The following ZDHHC4 variants were observed in gnomAD, a reference collection of about 807,000 sequenced individuals.
The protein encoded by ZDHHC4 is palmitoyltransferase ZDHHC4.
A neutral mutation model predicts 36.7 loss-of-function variants in ZDHHC4; 42 were observed. That is an observed-to-expected ratio of 1.14 (90% CI 0.89 to 1.48). The LOEUF (loss-of-function observed/expected upper bound fraction) is 1.48, where lower values mean the gene tolerates loss of function less well. Among genes scored for constraint, ZDHHC4 ranks in the 40% most tolerant of loss-of-function variants. The pLI, the probability that ZDHHC4 is intolerant of heterozygous loss-of-function variation, is 0.00. For missense variants in ZDHHC4, 457 were observed against 421.5 expected, an observed-to-expected ratio of 1.08 and a Z score of -0.74; for synonymous variants, 189 against 166.6, an observed-to-expected ratio of 1.13 and a Z score of -1.03.
intron 7 of ZDHHC4, among the ~76,000 whole-genome samples, chr7:6,587,227 G>A (rs1034222345): frequency 1.3e-5 from 2 of 151,800 alleles, no homozygotes; most frequent in African/African-American, 4.8e-5. Flanking sequence ...TTTGATTTGA[G>A]GTCTTTATAT....
At chr7:6,581,500 A>G (rs543844498) in intron 3 of ZDHHC4, 107 bp from the exon 4 acceptor site, 2 of 827,662 alleles carry the variant, frequency 2.4e-6, no homozygotes, top group South Asian at 2.9e-5. Context: ...TAGGGAAACA[A>G]AACTTACTAT....
intron 6 of ZDHHC4, 44 bp downstream of exon 6, chr7:6,583,475 A>G (rs1475851916): frequency 5.7e-6 from 9 of 1,577,172 alleles, no homozygotes; most frequent in South Asian, 1.2e-5. Flanking sequence ...CCAACAGCAC[A>G]TGTGTGGGCT....
Position 6,588,690 on chromosome 7 carries a change from G to T in ZDHHC4, c.815G>T (p.Gly272Val), listed in dbSNP as rs753847644. The T allele has an allele frequency of 4.3e-6, 7 of 1,614,084 alleles. No individual in the cohort carries two copies. Among genetic ancestry groups the T allele is most frequent in the South Asian group, 1.1e-5 (1 of 91,094 alleles). The change falls in exon 8 of 8, where the codon GGC (glycine) becomes GTC (valine). Residue 272 changes from glycine (G) to valine (V), a missense_variant. By Grantham distance (109) the Gly-to-Val change is moderately radical. Coordinates refer to ENST00000335965, the MANE Select transcript of ZDHHC4 (RefSeq NM_001134389.2). ...GTGGTTCTGAGCTTCCTCCTGGGTG[G>T]CTACCTGTTGTTTGTCCTGTATCTG... Reference protein sequence around the residue: ...FVVVLSFLLGGYLLFVLYLAA... With the variant: ...FVVVLSFLLGVYLLFVLYLAA...
chr7:6,579,724 A>G (rs1780705566), intron 2 of ZDHHC4, among the ~76,000 whole-genome samples: 1 of 152,202 alleles, frequency 6.6e-6, no homozygotes, highest in African/African-American at 2.4e-5. Flanking sequence ...AGGAAGTAAA[A>G]GAATGATTCA....
intron 7 of ZDHHC4, among the ~76,000 whole-genome samples, chr7:6,587,732 T>C (rs1781335552): frequency 6.6e-6 from 1 of 152,178 alleles, no homozygotes; most frequent in Non-Finnish European, 1.5e-5. Context: ...ATTTAACTTG[T>C]TTCTTGGCCA....
rs770889393 is a variant in ZDHHC4, at chr7:6,585,199, A to G, written c.680A>G (p.Gln227Arg). 2 of 1,614,180 alleles carry G rather than the reference A, an allele frequency of 1.2e-6. No homozygotes were observed. Among genetic ancestry groups the G allele is most frequent in the Non-Finnish European group, 1.7e-6 (2 of 1,180,048 alleles). The change falls in exon 7 of 8, where the codon CAG becomes CGG. Residue 227 changes from glutamine to arginine, a missense_variant. Physicochemically the swap from Gln to Arg is conservative, Grantham distance 43 (BLOSUM62 1). Transcript: ENST00000335965. ...VHLVVMSDLY[Q>R]ETYIDDLGHL... The stretch of plus-strand genomic sequence containing the variant: ...TTGGTGGTGATGTCAGATTTATACC[A>G]GGAGACTTACATCGATGACCTTGGA...
chr7:6,588,045 T>C (rs1328806738), intron 7 of ZDHHC4, among the ~76,000 whole-genome samples: 1 of 152,140 alleles, frequency 6.6e-6, no homozygotes. Flanking sequence ...TTTGTATTTT[T>C]AGTAGAGAAG....
rs1343046807 is a variant in ZDHHC4 at position 6,588,964 on chromosome 7, C to A, written c.*54C>A. 6.4e-7 allele frequency: 1 copy of A among 1,555,998 alleles called. No homozygotes were observed. The highest frequency in any genetic ancestry group is 2.3e-5 in the East Asian group (1 of 44,104). On this transcript the variant is annotated 3_prime_UTR_variant, in exon 8 of 8. Coordinates refer to ENST00000335965, the MANE Select transcript of ZDHHC4 (RefSeq NM_001134389.2). ...TTCCCGTTTATTTACACATGTGGAT[C>A]CTCGTTTTCCAAGCATGGCTTGTTT... is the stretch of plus-strand genomic sequence containing the variant.
At chr7:6,584,785 C>G in intron 6 of ZDHHC4, 1 of 563,258 alleles carries the variant, frequency 1.8e-6, no homozygotes. Context: ...GTGCATGCCG[C>G]CACCACCTCA....
In ZDHHC4 at chr7:6,586,161, C is replaced by CA. The variant is rs1457189406; in HGVS notation, c.741+915dup. On this transcript the variant is annotated intron_variant, in intron 7 of 7. Transcript: ENST00000335965. ...AGAGCGAAAGAGAGAAACTCCATCT[C>CA]AAAAAAAAAAAAAATTCACATATCA... Among the ~76,000 whole-genome samples the CA allele has an allele frequency of 1.2e-3, 164 of 134,442 alleles. 1 individual carries two copies. Among genetic ancestry groups the CA allele is most frequent in the Middle Eastern group, 3.8e-3 (1 of 262 alleles). The allele number at this position is 134,442 out of a possible 152,430, so 88.2% of individuals were successfully genotyped here. A position where few individuals can be genotyped will look rare whatever the true frequency, so the allele number is the denominator to read the frequency against.
At chr7:6,588,475 TTCAG>T in intron 7 of ZDHHC4, 138 bp from the exon 8 acceptor site, 1 of 832,826 alleles carries the variant, frequency 1.2e-6, no homozygotes, top group Admixed American at 2.3e-5. Flanking sequence ...GCTGTTTATG[TTCAG>T]TTTGTCACAT....
At chr7:6,584,158 T>C (rs1001693729) in intron 6 of ZDHHC4, 2 of 152,190 alleles carry the variant, frequency 1.3e-5, no homozygotes, top group African/African-American at 4.8e-5. Context: ...ATATGTAAAA[T>C]ATCATTTTAA....
chr7:6,582,398 A>G, intron 5 of ZDHHC4, 147 bp downstream of exon 5: 2 of 834,022 alleles, frequency 2.4e-6, no homozygotes, highest in East Asian at 5.0e-5. Flanking sequence ...AGTGTTTTCT[A>G]ATTTTTTTTT....
At chr7:6,583,644 A>G in intron 6 of ZDHHC4, 4 of 538,908 alleles carry the variant, frequency 7.4e-6, no homozygotes, top group Non-Finnish European at 1.2e-5. Flanking sequence ...ATCTCTGGGC[A>G]TAACAGCCCT....
chr7:6,578,249 T>TC (rs1345083482), intron 1 of ZDHHC4, among the ~76,000 whole-genome samples: 2 of 152,092 alleles, frequency 1.3e-5, no homozygotes, highest in African/African-American at 4.8e-5. Context: ...CACCTCAGCC[T>TC]CCCAAGTAGC....
In ZDHHC4 at chr7:6,581,615, C is replaced by T. The variant is rs1780860708; in HGVS notation, c.126C>T (p.Ser42=). The change falls in exon 4 of 8, where the codon TCC becomes TCT. Residue 42 remains serine, a synonymous_variant. Transcript: ENST00000335965. ...GLARGGAQIF[S]CIIPECLQRA... Reference sequence around the variant, plus strand: ...CTTTCCTTTTGTTTCAGATATTTTCCTGTATAATTCCAGAATGTCTTCAGA... The same window carrying T: ...CTTTCCTTTTGTTTCAGATATTTTCTTGTATAATTCCAGAATGTCTTCAGA... The T allele has an allele frequency of 6.2e-7, 1 of 1,610,030 alleles. No homozygotes were observed. Among genetic ancestry groups the T allele is most frequent in the African/African-American group, 1.3e-5 (1 of 74,752 alleles).
At chr7:6,580,721 T>C in intron 3 of ZDHHC4, 43 bp downstream of exon 3, 2 of 1,580,872 alleles carry the variant, frequency 1.3e-6, no homozygotes, top group South Asian at 2.2e-5. Context: ...GAATACTGTG[T>C]TAGTCTAAGA....
intron 1 of ZDHHC4, 45 bp downstream of exon 1, chr7:6,577,543 G>C (rs1780508261): frequency 6.6e-6 from 1 of 152,268 alleles, no homozygotes; most frequent in Non-Finnish European, 1.5e-5. Flanking sequence ...GGCTGTCCCA[G>C]GACCGTCAGT....
intron 7 of ZDHHC4, among the ~76,000 whole-genome samples, chr7:6,585,798 C>G (rs1324922256): frequency 2.0e-5 from 3 of 151,358 alleles, no homozygotes; most frequent in African/African-American, 7.3e-5. Context: ...AGAGCAAGAC[C>G]CTGTCTCAGA....
Sources: gnomAD v4.1 joint callset for allele counts (sites outside exome capture counted in the v4.1 genomes callset) on GRCh38, gnomAD v4.1.1 for gene constraint, MANE v1.5 for transcripts, NCBI Gene and HGNC (gene_info 2026-07-23, HGNC 2026-07-21) for gene names.